The following CDK7 variants were observed in gnomAD, a reference collection of about 807,000 sequenced individuals.
CDK7 encodes cyclin-dependent kinase 7.
CDK7 carries 25 observed loss-of-function variants against 49.1 expected under a neutral mutation model. The observed-to-expected ratio is 0.51, with a 90% CI of 0.37 to 0.71. The LOEUF (loss-of-function observed/expected upper bound fraction) is 0.71. CDK7 is among the 30% of genes least tolerant of loss of function. CDK7 has a pLI of 0.00. For synonymous variants in CDK7, 107 were observed against 140.0 expected (o/e 0.76, Z 1.67); for missense variants, 316 against 411.7 (o/e 0.77, Z 2.01).
chr5:69,247,135 A>G (rs1439505110), intron 2 of CDK7, among the ~76,000 whole-genome samples: 1 of 152,188 alleles, frequency 6.6e-6, no homozygotes, highest in Non-Finnish European at 1.5e-5. Context: ...GTGCGGATTA[A>G]GTCCAATGTG....
At chr5:69,254,456 A>T (rs1750353013) in intron 3 of CDK7, 146 bp from the exon 4 acceptor site, 1 of 450,950 alleles carries the variant, frequency 2.2e-6, no homozygotes, top group Non-Finnish European at 4.0e-6. Context: ...CGGGAAGCAG[A>T]GGTTGCAGTG....
intron 10 of CDK7, among the ~76,000 whole-genome samples, chr5:69,275,712 G>A (rs925007717): frequency 2.0e-5 from 3 of 152,146 alleles, no homozygotes; most frequent in Non-Finnish European, 2.9e-5. Flanking sequence ...GGTGGCTCAC[G>A]CCTGTAATCC....
intron 2 of CDK7, among the ~76,000 whole-genome samples, chr5:69,249,624 G>T (rs4976158): frequency 0.11 from 17,077 of 152,058 alleles, 1,155 homozygotes; most frequent in South Asian, 0.19. Flanking sequence ...ACGGTGGGTG[G>T]ATCATTTAGG....
At chr5:69,235,792 T>A (rs1219776744) in intron 2 of CDK7, among the ~76,000 whole-genome samples, 2 of 152,234 alleles carry the variant, frequency 1.3e-5, no homozygotes, top group Non-Finnish European at 2.9e-5. Context: ...ATCCACTCAG[T>A]GTGTCGTATC....
At chr5:69,239,873 A>C (rs1580263846) in intron 2 of CDK7, among the ~76,000 whole-genome samples, 1 of 142,898 alleles carries the variant, frequency 7.0e-6, no homozygotes, top group East Asian at 2.1e-4. Context: ...ATGAGGATCC[A>C]GTATTTTTTT....
intron 8 of CDK7, among the ~76,000 whole-genome samples, chr5:69,268,155 G>T (rs1028233236): frequency 3.3e-5 from 5 of 152,072 alleles, no homozygotes; most frequent in Admixed American, 3.3e-4. Context: ...GAGAGACAGG[G>T]TTTCAGCATG....
intron 8 of CDK7, among the ~76,000 whole-genome samples, chr5:69,266,300 A>G (rs1048120879): frequency 1.3e-5 from 2 of 152,076 alleles, no homozygotes; most frequent in Non-Finnish European, 2.9e-5. Flanking sequence ...TCAAAAAAAA[A>G]GTTTAGGGCT....
chr5:69,270,146 T>C (rs1210082319), intron 9 of CDK7, among the ~76,000 whole-genome samples: 3 of 148,220 alleles, frequency 2.0e-5, no homozygotes, highest in East Asian at 2.0e-4. Context: ...TTCACAATTA[T>C]ATATTGTGGC....
intron 10 of CDK7, among the ~76,000 whole-genome samples, chr5:69,275,716 G>A (rs936305029): frequency 2.0e-5 from 3 of 152,192 alleles, no homozygotes; most frequent in African/African-American, 7.2e-5. Flanking sequence ...GCTCACGCCT[G>A]TAATCCTAGC....
At chr5:69,247,067 A>G (rs181868878) in intron 2 of CDK7, among the ~76,000 whole-genome samples, 2 of 152,304 alleles carry the variant, frequency 1.3e-5, no homozygotes, top group Admixed American at 1.3e-4. Context: ...AGAATGTTTA[A>G]TCTACAGCCA....
rs148725299 is a variant in CDK7 at position 69,257,958 on chromosome 5, C to T, written c.298-85C>T. 1.1e-3 allele frequency: 829 copies of T among 748,436 alleles called. 11 individuals are homozygous for T. The East Asian group carries it at 0.019, about 17-fold the overall frequency. 46.4% of individuals were successfully genotyped at this position (748,436 alleles called of 1,614,324 possible). A position where few individuals can be genotyped will look rare whatever the true frequency, so the allele number is the denominator to read the frequency against. On this transcript the variant is annotated intron_variant, in intron 5 of 11. Coordinates refer to ENST00000256443, the MANE Select transcript of CDK7 (RefSeq NM_001799.4). ...TGAGAGTCTCCTGTATTGATACTTA[C>T]ATTTTAAGTCTGTAAATTGTTTTAT...
chr5:69,277,075 CTTT>C, intron 11 of CDK7, 29 bp from the exon 12 acceptor site: 1 of 1,437,796 alleles, frequency 7.0e-7, no homozygotes, highest in Non-Finnish European at 9.4e-7. Context: ...ATGTGAACAA[CTTT>C]TTTTTTTCTT....
At chr5:69,258,187 C>G in intron 6 of CDK7, 34 bp downstream of exon 6, 1 of 986,744 alleles carries the variant, frequency 1.0e-6, no homozygotes, top group Non-Finnish European at 1.5e-6. Context: ...TTATACTAGT[C>G]AAGTTTTATA....
chr5:69,246,198 G>A (rs536557166), intron 2 of CDK7, among the ~76,000 whole-genome samples: 4 of 152,116 alleles, frequency 2.6e-5, no homozygotes, highest in African/African-American at 4.8e-5. Flanking sequence ...GTGCAGTGGC[G>A]CGATCTTGGC....
chr5:69,250,124 T>C (rs1750042286), intron 2 of CDK7, among the ~76,000 whole-genome samples: 1 of 152,270 alleles, frequency 6.6e-6, no homozygotes, highest in South Asian at 2.1e-4. Flanking sequence ...ATGGCCTTAA[T>C]GCTTGTGAGT....
chr5:69,248,574 G>A lies in CDK7; in HGVS notation c.127-3844G>A, dbSNP rs544081121. On this transcript the variant is annotated intron_variant, in intron 2 of 11. Transcript: ENST00000256443. ...CAGCTAATTTTGTATTTTTAGTAGA[G>A]ACGGGGTTTCTCCATGTTGGTCAGG... Among the ~76,000 whole-genome samples, 5 of 151,990 alleles carry A rather than the reference G, an allele frequency of 3.3e-5. No individual in the cohort carries two copies. The South Asian group carries it at 1.0e-3, about 32-fold the overall frequency.
intron 2 of CDK7, among the ~76,000 whole-genome samples, chr5:69,240,578 T>C (rs2150183164): frequency 6.6e-6 from 1 of 152,360 alleles, no homozygotes; most frequent in South Asian, 2.1e-4. Flanking sequence ...ATGAAATTAC[T>C]CTATTTTTTA....
intron 4 of CDK7, 43 bp from the exon 5 acceptor site, chr5:69,255,417 G>A (rs764518538): frequency 1.1e-5 from 12 of 1,136,878 alleles, no homozygotes; most frequent in Non-Finnish European, 1.4e-5. Context: ...GATACTGTCA[G>A]GTATTAAATA....
rs1415153315 is a variant in CDK7 at position 69,234,962 on chromosome 5, C to CTA, written c.-13_-12insAT. The CTA allele has an allele frequency of 6.3e-7, 1 of 1,587,354 alleles. No individual in the cohort carries two copies. The highest frequency in any genetic ancestry group is 2.3e-5 in the East Asian group (1 of 43,784). On this transcript the variant is annotated 5_prime_UTR_variant, in exon 1 of 12. Coordinates refer to ENST00000256443, the MANE Select transcript of CDK7 (RefSeq NM_001799.4). The stretch of plus-strand genomic sequence containing the variant: ...CTCGCCCTTTTCGGCTGGAGTCGGG[C>CTA]TTTACGGCGCCGGATGGCTCTGGAC...
Sources: gnomAD v4.1 joint callset for allele counts (sites outside exome capture counted in the v4.1 genomes callset) on GRCh38, gnomAD v4.1.1 for gene constraint, MANE v1.5 for transcripts, NCBI Gene and HGNC (gene_info 2026-07-23, HGNC 2026-07-21) for gene names.